Variants in GLG1 observed in about 807,000 individuals in gnomAD.
GLG1 encodes the protein Golgi apparatus protein 1.
Under a neutral mutation model 160.5 loss-of-function variants are expected in GLG1, and 38 were observed. That is an observed-to-expected ratio of 0.24 (90% confidence interval 0.18 to 0.31). GLG1 has a LOEUF of 0.31. Ranked by LOEUF, GLG1 falls within the 10% of genes least tolerant of loss-of-function variation. The pLI is 1.00. For synonymous variants in GLG1, 644 were observed against 543.4 expected, an observed-to-expected ratio of 1.19 and a Z score of -2.57; for missense variants, 1,373 against 1,505.2, an observed-to-expected ratio of 0.91 and a Z score of 1.45.
intron 1 of GLG1, among the ~76,000 whole-genome samples, chr16:74,551,680 T>C (rs2018203427): frequency 6.6e-6 from 1 of 150,632 alleles, no homozygotes; most frequent in African/African-American, 2.4e-5. Context: ...GGAAGAGGTG[T>C]GGGTGTCAGT....
intron 1 of GLG1, among the ~76,000 whole-genome samples, chr16:74,544,194 A>G (rs970469568): frequency 2.6e-5 from 4 of 152,250 alleles, no homozygotes; most frequent in African/African-American, 9.6e-5. Flanking sequence ...AGCATTCATT[A>G]CTATACAATC....
chr16:74,575,529 A>T (rs2018977786), intron 1 of GLG1, among the ~76,000 whole-genome samples: 1 of 152,152 alleles, frequency 6.6e-6, no homozygotes, highest in African/African-American at 2.4e-5. Flanking sequence ...CAATATTAGA[A>T]CTCAACCAAA....
At chr16:74,598,349 G>A (rs1405924830) in intron 1 of GLG1, among the ~76,000 whole-genome samples, 4 of 151,092 alleles carry the variant, frequency 2.6e-5, no homozygotes, top group South Asian at 2.1e-4. Context: ...GTGAAACCCC[G>A]TCTCTACTAA....
chr16:74,448,726 T>C lies in GLG1; in HGVS notation c.*4441A>G, dbSNP rs2014167736. 9.1e-6 allele frequency: 1 copy of C among 110,190 alleles called. No individual in the cohort carries two copies. Among genetic ancestry groups the C allele is most frequent in the Non-Finnish European group, 1.7e-5 (1 of 58,950 alleles). The allele number at this position is 110,190 out of a possible 1,614,324, so 6.8% of individuals were successfully genotyped here. On this transcript the variant is annotated 3_prime_UTR_variant, in exon 26 of 26. Transcript: ENST00000422840. ...GAGATTGCGCCACTGCACTCCAGCCTGGGCAACGAGTGAAACTGTGTCTCA... is the reference window on the plus strand; with the variant it reads ...GAGATTGCGCCACTGCACTCCAGCCCGGGCAACGAGTGAAACTGTGTCTCA...
chr16:74,457,106 G>C (rs552041197), intron 24 of GLG1, among the ~76,000 whole-genome samples: 1 of 152,088 alleles, frequency 6.6e-6, no homozygotes, highest in Admixed American at 6.5e-5. Flanking sequence ...AAATTAAAAC[G>C]AAAACAGGCT....
At chr16:74,488,582 C>T (rs1164967271) in intron 8 of GLG1, among the ~76,000 whole-genome samples, 1 of 152,006 alleles carries the variant, frequency 6.6e-6, no homozygotes, top group Non-Finnish European at 1.5e-5. Flanking sequence ...CGCTTCTTCC[C>T]TACTTGGCTA....
chr16:74,501,313 A>T (rs563810756), intron 4 of GLG1, among the ~76,000 whole-genome samples: 2 of 152,234 alleles, frequency 1.3e-5, no homozygotes, highest in South Asian at 4.1e-4. Flanking sequence ...AAAATACAAG[A>T]AAGCCTTTGA....
chr16:74,575,637 C>G (rs376888877), intron 1 of GLG1, among the ~76,000 whole-genome samples: 1 of 152,078 alleles, frequency 6.6e-6, no homozygotes, highest in African/African-American at 2.4e-5. Flanking sequence ...CTCCCTCTGT[C>G]GCCCAGGCTG....
At chr16:74,478,375 G>A (rs1311264681) in intron 11 of GLG1, among the ~76,000 whole-genome samples, 1 of 152,054 alleles carries the variant, frequency 6.6e-6, no homozygotes, top group Admixed American at 6.6e-5. Context: ...ATTAGCAGAG[G>A]GTAAAGCAGG....
At chr16:74,525,910 C>T (rs1209315407) in intron 2 of GLG1, among the ~76,000 whole-genome samples, 3 of 152,094 alleles carry the variant, frequency 2.0e-5, no homozygotes, top group Non-Finnish European at 4.4e-5. Context: ...AATCCCAGCA[C>T]TTTGGGAGGC....
rs879182050 is a variant in GLG1, at chr16:74,496,715, C to CAA, written c.775-72_775-71insTT. On this transcript the variant is annotated intron_variant, in intron 4 of 25. Transcript: ENST00000422840. ...GTTTCAAATAAACAACATTTGGCTA[C>CAA]ACACACACACACACACACACACACA... The CAA allele has an allele frequency of 2.3e-5, 7 of 301,046 alleles. No homozygotes were observed. The African/African-American group carries it at 2.5e-4, about 11-fold the overall frequency. 18.6% of individuals were successfully genotyped at this position (301,046 alleles called of 1,614,324 possible).
intron 2 of GLG1, among the ~76,000 whole-genome samples, chr16:74,520,102 G>C (rs1275561802): frequency 6.6e-6 from 1 of 152,152 alleles, no homozygotes; most frequent in South Asian, 2.1e-4. Flanking sequence ...TACTAGAAAT[G>C]TAAATCTCCT....
At chr16:74,516,087 C>T (rs1024511560) in intron 2 of GLG1, among the ~76,000 whole-genome samples, 1 of 151,632 alleles carries the variant, frequency 6.6e-6, no homozygotes, top group Non-Finnish European at 1.5e-5. Flanking sequence ...GAGACTTAGA[C>T]TCTCACACAA....
intron 1 of GLG1, among the ~76,000 whole-genome samples, chr16:74,558,691 C>A (rs951969524): frequency 1.3e-5 from 2 of 152,064 alleles, no homozygotes; most frequent in Non-Finnish European, 2.9e-5. Flanking sequence ...TTTCTTACCC[C>A]CAAAGGATGC....
At chr16:74,541,911 T>C (rs1347072325) in intron 1 of GLG1, among the ~76,000 whole-genome samples, 1 of 151,536 alleles carries the variant, frequency 6.6e-6, no homozygotes, top group Non-Finnish European at 1.5e-5. Context: ...GTTTAGGATA[T>C]ACACAGACAC....
At chr16:74,561,343 G>A (rs1022245497) in intron 1 of GLG1, among the ~76,000 whole-genome samples, 7 of 152,106 alleles carry the variant, frequency 4.6e-5, no homozygotes, top group African/African-American at 1.7e-4. Context: ...TGCTTTATAC[G>A]GATGCATTTT....
intron 7 of GLG1, among the ~76,000 whole-genome samples, chr16:74,491,695 G>GT (rs61647508): frequency 0.95 from 139,249 of 147,250 alleles, 66,027 homozygotes; most frequent in East Asian, 1. Flanking sequence ...CTGGAGTGCA[G>GT]CGCGCGATCT....
intron 1 of GLG1, among the ~76,000 whole-genome samples, chr16:74,555,703 A>G (rs528987875): frequency 6.6e-5 from 10 of 152,232 alleles, no homozygotes; most frequent in African/African-American, 2.4e-4. Context: ...AGAAAAGAAG[A>G]AAAAGGAAAG....
chr16:74,454,559 G>A (rs1356939728), intron 25 of GLG1, among the ~76,000 whole-genome samples: 1 of 149,986 alleles, frequency 6.7e-6, no homozygotes, highest in Non-Finnish European at 1.5e-5. Context: ...CCAGCTACTG[G>A]GGAGGCTGAG....
Sources: gnomAD v4.1 joint callset for allele counts (sites outside exome capture counted in the v4.1 genomes callset) on GRCh38, gnomAD v4.1.1 for gene constraint, MANE v1.5 for transcripts, NCBI Gene and HGNC (gene_info 2026-07-23, HGNC 2026-07-21) for gene names.